The following ADAM22 variants were observed in gnomAD, a reference collection of about 807,000 sequenced individuals.
The protein encoded by ADAM22 is disintegrin and metalloproteinase domain-containing protein 22.
ADAM22 carries 65 observed loss-of-function variants against 144.6 expected under a neutral mutation model. The ratio of observed to expected loss-of-function variants is 0.45; its 90% CI spans 0.37 to 0.55. ADAM22 has a LOEUF of 0.55. ADAM22 is among the 20% of genes least tolerant of loss of function. ADAM22 has a pLI of 0.00. For missense variants in ADAM22, 974 were observed against 1,184.9 expected (o/e 0.82, Z 2.61); for synonymous variants, 391 against 412.6 (o/e 0.95, Z 0.63).
At chr7:88,079,293 T>C (rs1003674973) in intron 4 of ADAM22, among the ~76,000 whole-genome samples, 1 of 152,130 alleles carries the variant, frequency 6.6e-6, no homozygotes, top group African/African-American at 2.4e-5. Context: ...GACAAGCAAC[T>C]GCTGAGAGAT....
chr7:87,950,276 T>C (rs1844711890), intron 2 of ADAM22, among the ~76,000 whole-genome samples: 1 of 141,832 alleles, frequency 7.1e-6, no homozygotes, highest in Non-Finnish European at 1.5e-5. Flanking sequence ...CTCCTAATGC[T>C]ATCCCTCCCC....
intron 22 of ADAM22, among the ~76,000 whole-genome samples, chr7:88,161,703 G>A (rs1841686574): frequency 6.6e-6 from 1 of 151,960 alleles, no homozygotes; most frequent in Admixed American, 6.6e-5. Flanking sequence ...AAGAGCATGT[G>A]AAAAAAGATC....
chr7:88,112,322 C>A (rs1826264220), intron 5 of ADAM22, among the ~76,000 whole-genome samples: 1 of 152,090 alleles, frequency 6.6e-6, no homozygotes, highest in African/African-American at 2.4e-5. Context: ...GATGTTATAG[C>A]AGGAATGAAA....
intron 30 of ADAM22, among the ~76,000 whole-genome samples, chr7:88,191,113 C>T (rs150686272): frequency 7.7e-4 from 118 of 152,332 alleles, no homozygotes; most frequent in African/African-American, 2.0e-3. Flanking sequence ...GTGTAACTAG[C>T]GTGTTATTTT....
At chr7:88,120,954 G>C (rs1829143464) in intron 7 of ADAM22, among the ~76,000 whole-genome samples, 1 of 151,878 alleles carries the variant, frequency 6.6e-6, no homozygotes, top group African/African-American at 2.4e-5. Flanking sequence ...AAAAGTAGGG[G>C]TTAAGTTTTA....
chr7:88,202,457 A>G lies in ADAM22; in HGVS notation c.*5966A>G, dbSNP rs1851268122. On this transcript the variant is annotated 3_prime_UTR_variant, in exon 32 of 32. Coordinates refer to ENST00000413139, the MANE Select transcript of ADAM22 (RefSeq NM_001324418.2). ...CACCTTTGACAGGTGATGTGCATCT[A>G]TAGATAGTGGAAGCCACCCCATGAG... The G allele has an allele frequency of 6.6e-6, 1 of 152,180 alleles. No homozygotes were observed. The highest frequency in any genetic ancestry group is 2.4e-5 in the African/African-American group (1 of 41,438). 9.4% of individuals were successfully genotyped at this position (152,180 alleles called of 1,614,324 possible).
chr7:88,074,318 T>A (rs552478107), intron 3 of ADAM22, among the ~76,000 whole-genome samples: 2 of 152,364 alleles, frequency 1.3e-5, no homozygotes, highest in African/African-American at 4.8e-5. Flanking sequence ...GCCCTTTCTG[T>A]CAGTGTGTAA....
At chr7:88,145,587 A>C in intron 17 of ADAM22, 80 bp downstream of exon 17, 1 of 1,103,498 alleles carries the variant, frequency 9.1e-7, no homozygotes, top group Non-Finnish European at 1.3e-6. Context: ...AATATAATCT[A>C]ATAACAGAAA....
At chr7:88,036,512 C>A (rs999795227) in intron 3 of ADAM22, among the ~76,000 whole-genome samples, 2 of 152,114 alleles carry the variant, frequency 1.3e-5, no homozygotes, top group Non-Finnish European at 2.9e-5. Flanking sequence ...GTTTGGCAAT[C>A]ATTAATAATA....
rs1043355428 is a variant in ADAM22 at position 87,982,522 on chromosome 7, C to T, written c.323+4110C>T. 6.0e-5 allele frequency among the ~76,000 whole-genome samples: 9 copies of T among 151,076 alleles called. No homozygotes were observed. In the South Asian group the frequency reaches 1.5e-3, roughly 25 times the overall value. ...AATGCGGTTGGAAAAGTAGAAGGAACCAAAATATCTAGGGCCTTGTAGGCA... is the reference window on the plus strand; with the variant it reads ...AATGCGGTTGGAAAAGTAGAAGGAATCAAAATATCTAGGGCCTTGTAGGCA... On this transcript the variant is annotated intron_variant, in intron 3 of 31. Coordinates refer to ENST00000413139, the MANE Select transcript of ADAM22 (RefSeq NM_001324418.2).
intron 4 of ADAM22, among the ~76,000 whole-genome samples, chr7:88,100,174 C>T (rs2129486429): frequency 6.6e-6 from 1 of 151,918 alleles, no homozygotes; most frequent in East Asian, 1.9e-4. Flanking sequence ...CAGAATTATT[C>T]CAAAATAAGT....
intron 11 of ADAM22, 167 bp from the exon 12 acceptor site, chr7:88,132,700 T>G (rs2129500197): frequency 1.9e-6 from 1 of 514,754 alleles, no homozygotes. Flanking sequence ...ATAAACCTTT[T>G]TCTTTGGTTA....
chr7:88,189,584 C>A (rs1235220281), intron 30 of ADAM22, among the ~76,000 whole-genome samples: 1 of 152,154 alleles, frequency 6.6e-6, no homozygotes, highest in Non-Finnish European at 1.5e-5. Context: ...TTTTCCATTT[C>A]ACCTTAATTA....
chr7:88,130,796 G>A (rs1831572323), intron 10 of ADAM22, among the ~76,000 whole-genome samples: 1 of 152,106 alleles, frequency 6.6e-6, no homozygotes, highest in Non-Finnish European at 1.5e-5. Flanking sequence ...AGAGTGCCTG[G>A]TGCTGTGGCA....
In ADAM22 at chr7:88,200,096, A is replaced by T. The variant is rs1363765764; in HGVS notation, c.*3605A>T. On this transcript the variant is annotated 3_prime_UTR_variant, in exon 32 of 32. Transcript: ENST00000413139. ...TACTTTACCTGTTACCTTTTTTGGGATTTTGTTCTTTATGTTTTACAGTTA... is the reference window on the plus strand; with the variant it reads ...TACTTTACCTGTTACCTTTTTTGGGTTTTTGTTCTTTATGTTTTACAGTTA... 2 of 151,608 alleles carry T rather than the reference A, an allele frequency of 1.3e-5. No homozygotes were observed. Among genetic ancestry groups the T allele is most frequent in the East Asian group, 3.9e-4 (2 of 5,180 alleles). The allele number at this position is 151,608 out of a possible 1,614,324, so 9.4% of individuals were successfully genotyped here. A position where few individuals can be genotyped will look rare whatever the true frequency, so the allele number is the denominator to read the frequency against.
chr7:88,131,184 A>G, intron 10 of ADAM22, 85 bp from the exon 11 acceptor site: 1 of 1,168,474 alleles, frequency 8.6e-7, no homozygotes, highest in Non-Finnish European at 1.2e-6. Context: ...AGAAGTTTCC[A>G]TGAAAGGAGT....
At chr7:88,106,556 C>T (rs3753105) in intron 4 of ADAM22, among the ~76,000 whole-genome samples, 85,756 of 151,754 alleles carry the variant, frequency 0.57, 25,251 homozygotes, top group East Asian at 0.9. Flanking sequence ...AACATTTGCG[C>T]CTTTAAACCA....
chr7:88,047,059 T>C (rs1000415488), intron 3 of ADAM22, among the ~76,000 whole-genome samples: 1 of 152,210 alleles, frequency 6.6e-6, no homozygotes, highest in African/African-American at 2.4e-5. Context: ...TCCTTGGGCT[T>C]GCCATTTGTC....
rs1423923953 is a variant in ADAM22 at position 88,165,934 on chromosome 7, C to G, written c.2179C>G (p.Leu727Val). ...HNDDAKTGIT[L>V]SGNGVAGTNI... The stretch of plus-strand genomic sequence containing the variant: ...TGATGATGCAAAGACTGGTATCACT[C>G]TGTCTGGCAATGGTAAGTACTTAAT... The change falls in exon 24 of 32, where the codon CTG becomes GTG. Residue 727 changes from leucine (L) to valine (V), a missense_variant. Coordinates refer to ENST00000413139, the MANE Select transcript of ADAM22 (RefSeq NM_001324418.2). The G allele has an allele frequency of 1.9e-6, 3 of 1,608,966 alleles. No homozygotes were observed. Among genetic ancestry groups the G allele is most frequent in the East Asian group, 2.2e-5 (1 of 44,536 alleles).
Sources: allele counts gnomAD v4.1 joint callset (sites outside exome capture counted in the v4.1 genomes callset), GRCh38; gene constraint gnomAD v4.1.1; transcripts MANE v1.5; gene names NCBI Gene and HGNC (gene_info 2026-07-23, HGNC 2026-07-21).